Variants in UNC13B observed in about 807,000 individuals in gnomAD.
UNC13B encodes the protein unc-13 homolog B.
UNC13B carries 144 observed loss-of-function variants against 211.0 expected under a neutral mutation model. The ratio of observed to expected loss-of-function variants is 0.68; its 90% CI spans 0.60 to 0.78. The LOEUF is 0.78. UNC13B is among the 30% of genes least tolerant of loss of function. The probability of loss-of-function intolerance (pLI) is 0.00; values close to 1 mark genes in which losing one functional copy is unlikely to be tolerated. For missense variants in UNC13B, 1,777 were observed against 2,002.0 expected (o/e 0.89, Z 2.14); for synonymous variants, 709 against 725.8 (o/e 0.98, Z 0.37).
At chr9:35,227,791 G>C (rs1824938639) in intron 1 of UNC13B, 1 of 431,582 alleles carries the variant, frequency 2.3e-6, no homozygotes, top group Non-Finnish European at 4.1e-6. Context: ...CAGGAGCCTG[G>C]AACAGAGATT....
chr9:35,215,967 A>G (rs1824225803), intron 1 of UNC13B, among the ~76,000 whole-genome samples: 1 of 152,220 alleles, frequency 6.6e-6, no homozygotes, highest in South Asian at 2.1e-4. Context: ...TTTCAAGCCT[A>G]AATAAAGGAC....
chr9:35,208,181 T>C (rs1823770767), intron 1 of UNC13B, among the ~76,000 whole-genome samples: 1 of 152,222 alleles, frequency 6.6e-6, no homozygotes, highest in Admixed American at 6.5e-5. Context: ...CTACCTGCCA[T>C]CCCTGCTGTT....
At position 35,204,007 on chromosome 9, in the gene UNC13B, C is replaced by T. The variant is rs368765191; in HGVS notation, c.23-24008C>T. 2.1e-4 allele frequency among the ~76,000 whole-genome samples: 32 copies of T among 152,384 alleles called. 1 individual carries two copies. The East Asian group carries it at 3.7e-3, about 17-fold the overall frequency. On this transcript the variant is annotated intron_variant, in intron 1 of 39. Coordinates refer to ENST00000635942, the MANE Select transcript of UNC13B (RefSeq NM_001371189.2). ...TAGGAAGGAAGAATGATTTTCTTGG[C>T]TAGGCCCAGGGCCTTGCTGCACTGC...
At chr9:35,399,810 C>A in intron 36 of UNC13B, 81 bp downstream of exon 36, 1 of 1,389,806 alleles carries the variant, frequency 7.2e-7, no homozygotes, top group East Asian at 2.3e-5. Context: ...GACCAGGTGT[C>A]CCTCCAATTC....
intron 1 of UNC13B, among the ~76,000 whole-genome samples, chr9:35,222,955 C>G (rs887412107): frequency 2.4e-4 from 37 of 152,172 alleles, no homozygotes; most frequent in Admixed American, 7.9e-4. Flanking sequence ...CAAAATTTAT[C>G]TTTCTGTGCC....
intron 1 of UNC13B, among the ~76,000 whole-genome samples, chr9:35,186,882 A>G (rs370267269): frequency 2.6e-5 from 4 of 152,122 alleles, no homozygotes; most frequent in Admixed American, 6.6e-5. Flanking sequence ...GCTTCCTTAT[A>G]TAAAAATTTC....
At chr9:35,265,750 A>G (rs1411152206) in intron 7 of UNC13B, among the ~76,000 whole-genome samples, 2 of 152,158 alleles carry the variant, frequency 1.3e-5, no homozygotes, top group Non-Finnish European at 2.9e-5. Flanking sequence ...TAGTCCAAGC[A>G]ACATAGTGAG....
chr9:35,181,360 C>T (rs1327939099), intron 1 of UNC13B, among the ~76,000 whole-genome samples: 3 of 152,110 alleles, frequency 2.0e-5, no homozygotes, highest in East Asian at 3.9e-4. Flanking sequence ...TTTGGTATTG[C>T]TGTGTCTCAG....
At position 35,362,755 on chromosome 9, in the gene UNC13B, G is replaced by A. The variant is rs181632849; in HGVS notation, c.9415-4192G>A. Reference sequence around the variant, plus strand: ...GTGGAGCTTGCAGTGAGCCGAGATCGCACCACTGCACTCTAGCCTGGGCAA... The same window carrying A: ...GTGGAGCTTGCAGTGAGCCGAGATCACACCACTGCACTCTAGCCTGGGCAA... On this transcript the variant is annotated intron_variant, in intron 11 of 39. Transcript: ENST00000635942. 5.7e-3 allele frequency among the ~76,000 whole-genome samples: 835 copies of A among 145,304 alleles called. 6 individuals carry two copies. Among genetic ancestry groups the A allele is most frequent in the African/African-American group, 6.7e-3 (261 of 38,946 alleles).
At chr9:35,374,980 TG>T in intron 13 of UNC13B, 146 bp from the exon 14 acceptor site, 1 of 792,260 alleles carries the variant, frequency 1.3e-6, no homozygotes. Flanking sequence ...ACTTGTCACC[TG>T]TTAGGGCGGT....
intron 1 of UNC13B, among the ~76,000 whole-genome samples, chr9:35,196,255 A>G (rs1012545187): frequency 4.6e-5 from 7 of 152,210 alleles, no homozygotes; most frequent in Non-Finnish European, 1.0e-4. Flanking sequence ...TTACTTCTAG[A>G]TTCTGAAATA....
At chr9:35,281,433 A>G (rs1340243423) in intron 7 of UNC13B, among the ~76,000 whole-genome samples, 1 of 150,256 alleles carries the variant, frequency 6.7e-6, no homozygotes. Context: ...AGAGAGAGAG[A>G]GGAATGAAAG....
At chr9:35,342,978 G>A (rs1832105178) in intron 11 of UNC13B, among the ~76,000 whole-genome samples, 2 of 152,186 alleles carry the variant, frequency 1.3e-5, no homozygotes, top group African/African-American at 4.8e-5. Context: ...TTTCATGTGT[G>A]TATATGCCAT....
intron 21 of UNC13B, 80 bp downstream of exon 21, chr9:35,382,587 G>A (rs1174760549): frequency 2.8e-6 from 4 of 1,439,844 alleles, no homozygotes; most frequent in Non-Finnish European, 3.7e-6. Context: ...TTTTGAGACA[G>A]AGTCTCGCTC....
chr9:35,178,064 A>G (rs2131287591), intron 1 of UNC13B, among the ~76,000 whole-genome samples: 1 of 152,286 alleles, frequency 6.6e-6, no homozygotes, highest in East Asian at 1.9e-4. Flanking sequence ...TCAGGGTTAG[A>G]GTAGATTTGG....
Position 35,268,149 on chromosome 9 carries a change from GCTC to G in UNC13B, c.526+9106_526+9108del, listed in dbSNP as rs529053033. On this transcript the variant is annotated intron_variant, in intron 7 of 39. Coordinates refer to ENST00000635942, the MANE Select transcript of UNC13B (RefSeq NM_001371189.2). ...ATCCCTAACCTTTGTGAATTATGAAGCTCCTCCTCACTTGGATTCAGAGCAGAA... is the reference window on the plus strand; with the variant it reads ...ATCCCTAACCTTTGTGAATTATGAAGCTCCTCACTTGGATTCAGAGCAGAA... Among the ~76,000 whole-genome samples the G allele has an allele frequency of 1.9e-4, 29 of 152,228 alleles. No homozygotes were observed. In the South Asian group the frequency reaches 6.0e-3, roughly 32 times the overall value.
At chr9:35,235,438 C>T (rs1309369963) in intron 3 of UNC13B, among the ~76,000 whole-genome samples, 1 of 148,750 alleles carries the variant, frequency 6.7e-6, no homozygotes, top group Non-Finnish European at 1.5e-5. Context: ...TTTCATAAAT[C>T]CCCCCCGCCC....
At chr9:35,291,295 G>A (rs1829087497) in intron 7 of UNC13B, among the ~76,000 whole-genome samples, 1 of 152,146 alleles carries the variant, frequency 6.6e-6, no homozygotes, top group African/African-American at 2.4e-5. Context: ...ACGACTTTGT[G>A]TGTGTTTATG....
chr9:35,162,436 G>T, intron 1 of UNC13B, 131 bp downstream of exon 1: 2 of 1,225,724 alleles, frequency 1.6e-6, no homozygotes, highest in Non-Finnish European at 1.1e-6. Context: ...TATTATTTTG[G>T]CAATCACTTA....
Sources: gnomAD v4.1 joint callset for allele counts (sites outside exome capture counted in the v4.1 genomes callset) on GRCh38, gnomAD v4.1.1 for gene constraint, MANE v1.5 for transcripts, NCBI Gene and HGNC (gene_info 2026-07-23, HGNC 2026-07-21) for gene names.